The following TTC27 variants were observed in gnomAD, a reference collection of about 807,000 sequenced individuals.
TTC27 encodes the protein tetratricopeptide repeat protein 27.
Under a neutral mutation model 115.9 loss-of-function variants are expected in TTC27, and 79 were observed. The observed-to-expected ratio is 0.68, with a 90% CI of 0.57 to 0.82. TTC27 has a LOEUF of 0.82. TTC27 is among the 40% of genes least tolerant of loss of function. The pLI is 0.00. For missense variants in TTC27, 1,054 were observed against 993.1 expected (o/e 1.06, Z -0.82); for synonymous variants, 401 against 356.0 (o/e 1.13, Z -1.42).
Position 32,708,304 on chromosome 2 carries a change from G to GTTTTTTT in TTC27, c.1233+5400_1233+5406dup, listed in dbSNP as rs1158508588. Among the ~76,000 whole-genome samples, 33 of 61,352 alleles carry GTTTTTTT rather than the reference G, an allele frequency of 5.4e-4. 5 individuals are homozygous for GTTTTTTT. Among genetic ancestry groups the GTTTTTTT allele is most frequent in the South Asian group, 3.2e-3 (4 of 1,256 alleles). 40.2% of individuals were successfully genotyped at this position (61,352 alleles called of 152,430 possible). A position where few individuals can be genotyped will look rare whatever the true frequency, so the allele number is the denominator to read the frequency against. The stretch of plus-strand genomic sequence containing the variant: ...AATAGCGTTTTCTTTTCTCTACCTT[G>GTTTTTTT]TTTTTTTTTTTTTTTTTTTTTTAAT... On this transcript the variant is annotated intron_variant, in intron 10 of 19. Coordinates refer to ENST00000317907, the MANE Select transcript of TTC27 (RefSeq NM_017735.5).
rs1421123585 is a variant in TTC27, at chr2:32,663,677, TATG to T, written c.641-625_641-623del. On this transcript the variant is annotated intron_variant, in intron 5 of 19. Transcript: ENST00000317907. ...GTATGTATGTATGTATGTATGTATG[TATG>T]TATTTATTTATTTATTTATTTGGAG... Among the ~76,000 whole-genome samples the T allele has an allele frequency of 1.1e-3, 164 of 149,572 alleles. 1 individual carries two copies. Among genetic ancestry groups the T allele is most frequent in the Admixed American group, 3.4e-3 (51 of 15,000 alleles).
chr2:32,773,392 G>C (rs1162531770), intron 13 of TTC27, among the ~76,000 whole-genome samples: 1 of 152,214 alleles, frequency 6.6e-6, no homozygotes, highest in Non-Finnish European at 1.5e-5. Flanking sequence ...GTTTGTGGGG[G>C]AAGAGATATG....
chr2:32,630,999 T>C (rs143714033), intron 2 of TTC27, among the ~76,000 whole-genome samples: 14 of 152,308 alleles, frequency 9.2e-5, no homozygotes, highest in Admixed American at 3.9e-4. Context: ...CCTTATTTCC[T>C]TTAACTTAAA....
chr2:32,746,910 T>C (rs1219000083), intron 12 of TTC27, among the ~76,000 whole-genome samples: 12 of 152,216 alleles, frequency 7.9e-5, no homozygotes, highest in Admixed American at 7.9e-4. Context: ...ATAATTTTGT[T>C]GGCAGAAAGA....
At chr2:32,795,983 G>A (rs1572621787) in intron 16 of TTC27, among the ~76,000 whole-genome samples, 1 of 152,006 alleles carries the variant, frequency 6.6e-6, no homozygotes, top group East Asian at 1.9e-4. Flanking sequence ...ACAAGAAAAA[G>A]AAGTAAAAGA....
intron 10 of TTC27, among the ~76,000 whole-genome samples, chr2:32,714,048 C>CTTA (rs1231560534): frequency 6.6e-6 from 1 of 151,974 alleles, no homozygotes; most frequent in East Asian, 1.9e-4. Flanking sequence ...CATTAGTTTG[C>CTTA]TTAAGTTAAT....
intron 19 of TTC27, 26 bp downstream of exon 19, chr2:32,817,583 G>T (rs1225287747): frequency 6.3e-7 from 1 of 1,583,582 alleles, no homozygotes; most frequent in South Asian, 1.1e-5. Flanking sequence ...GAATTAATTG[G>T]AATTGTCATA....
At chr2:32,653,132 A>G (rs961471130) in intron 5 of TTC27, among the ~76,000 whole-genome samples, 10 of 152,186 alleles carry the variant, frequency 6.6e-5, no homozygotes, top group Non-Finnish European at 1.2e-4. Flanking sequence ...AGTGCTGAAA[A>G]CATGTTATGT....
chr2:32,721,580 C>T (rs1667925766), intron 10 of TTC27, among the ~76,000 whole-genome samples: 1 of 151,788 alleles, frequency 6.6e-6, no homozygotes, highest in Non-Finnish European at 1.5e-5. Flanking sequence ...TGTTAAGCTT[C>T]CTCACCTTAT....
Position 32,639,110 on chromosome 2 carries a change from A to G in TTC27, c.397-1160A>G, listed in dbSNP as rs183475877. Among the ~76,000 whole-genome samples the G allele has an allele frequency of 4.9e-3, 744 of 151,590 alleles. 4 individuals carry two copies. The highest frequency in any genetic ancestry group is 0.015 in the African/African-American group (629 of 41,328). On this transcript the variant is annotated intron_variant, in intron 3 of 19. Coordinates refer to ENST00000317907, the MANE Select transcript of TTC27 (RefSeq NM_017735.5). ...GCCTCCCAAAGTGCTGGGATTACAG[A>G]TGTGAGCCACCGTGCCCGGCCCAGT...
intron 7 of TTC27, among the ~76,000 whole-genome samples, chr2:32,669,841 A>G (rs1309954235): frequency 2.1e-5 from 3 of 143,000 alleles, no homozygotes; most frequent in South Asian, 2.2e-4. Flanking sequence ...AGCCGAGATC[A>G]TGCTACTGCA....
intron 8 of TTC27, among the ~76,000 whole-genome samples, chr2:32,677,651 A>T (rs952701873): frequency 1.3e-5 from 2 of 152,068 alleles, no homozygotes; most frequent in Non-Finnish European, 2.9e-5. Context: ...TGGTTTTACC[A>T]TGTTGGCCAG....
chr2:32,705,599 G>T (rs1667341692), intron 10 of TTC27, among the ~76,000 whole-genome samples: 1 of 152,064 alleles, frequency 6.6e-6, no homozygotes, highest in African/African-American at 2.4e-5. Flanking sequence ...TGCCTTGGTT[G>T]GAGTGCAGTG....
chr2:32,811,409 A>T (rs1173981827), intron 17 of TTC27, among the ~76,000 whole-genome samples, 188 bp downstream of exon 17: 1 of 152,140 alleles, frequency 6.6e-6, no homozygotes, highest in Admixed American at 6.5e-5. Context: ...TGTAACATTC[A>T]TCTTTTTATT....
chr2:32,779,543 A>C (rs571087728), intron 14 of TTC27, among the ~76,000 whole-genome samples: 3 of 151,524 alleles, frequency 2.0e-5, no homozygotes, highest in Non-Finnish European at 4.4e-5. Context: ...TCTAGCTACA[A>C]GTCCCTTGTC....
Position 32,815,022 on chromosome 2 carries a change from A to G in TTC27, c.2308+2407A>G, listed in dbSNP as rs552282592. Reference sequence around the variant, plus strand: ...TAAGATATTGCGACCTTGACATAGTATTTGAGGCCTCCCTATAACAATGTC... The same window carrying G: ...TAAGATATTGCGACCTTGACATAGTGTTTGAGGCCTCCCTATAACAATGTC... On this transcript the variant is annotated intron_variant, in intron 18 of 19. Coordinates refer to ENST00000317907, the MANE Select transcript of TTC27 (RefSeq NM_017735.5). Among the ~76,000 whole-genome samples, 231 of 152,200 alleles carry G rather than the reference A, an allele frequency of 1.5e-3. 1 individual carries two copies. The highest frequency in any genetic ancestry group is 5.5e-3 in the African/African-American group (228 of 41,524).
intron 12 of TTC27, among the ~76,000 whole-genome samples, chr2:32,754,800 G>T (rs532727912): frequency 7.1e-6 from 1 of 141,608 alleles, no homozygotes; most frequent in African/African-American, 2.6e-5. Flanking sequence ...CCTCCCGGAC[G>T]GGGCGGCTGG....
Position 32,633,956 on chromosome 2 carries a change from T to TA in TTC27, c.348dup (p.His117ThrfsTer16). 6.2e-7 allele frequency: 1 copy of TA among 1,614,028 alleles called. No homozygotes were observed. Among genetic ancestry groups the TA allele is most frequent in the Non-Finnish European group, 8.5e-7 (1 of 1,179,948 alleles). On this transcript the variant is annotated frameshift_variant, in exon 3 of 20. Transcript: ENST00000317907. LOFTEE classifies it high-confidence loss of function. ...AACTGGACGGGGCCCCCTGTTGACT[T>TA]ACACCCTCAGGACTTTTTGTCATCT... is the stretch of plus-strand genomic sequence containing the variant.
chr2:32,629,038 G>A (rs1204106245), intron 1 of TTC27, among the ~76,000 whole-genome samples: 1 of 144,708 alleles, frequency 6.9e-6, no homozygotes, highest in Non-Finnish European at 1.5e-5. Context: ...GGGATTACAG[G>A]CCTGAGCCAC....
Sources: allele counts gnomAD v4.1 joint callset (sites outside exome capture counted in the v4.1 genomes callset), GRCh38; gene constraint gnomAD v4.1.1; transcripts MANE v1.5; gene names NCBI Gene and HGNC (gene_info 2026-07-23, HGNC 2026-07-21).